The following NOSTRIN variants were observed in gnomAD, a reference collection of about 807,000 sequenced individuals.
NOSTRIN encodes nitric oxide synthase trafficking, also known as BM247 homolog.
In NOSTRIN, 63 loss-of-function variants were observed where a neutral mutation model predicts 59.0. The ratio of observed to expected loss-of-function variants is 1.07; its 90% CI spans 0.87 to 1.32. NOSTRIN has a LOEUF of 1.32. Ranked by LOEUF, NOSTRIN falls within the 40% of genes most tolerant of loss-of-function variation. The probability of loss-of-function intolerance (pLI) is 0.00; values close to 1 mark genes in which losing one functional copy is unlikely to be tolerated. For missense variants in NOSTRIN, 512 were observed against 473.1 expected (o/e 1.08, Z -0.76); for synonymous variants, 200 against 165.4 (o/e 1.21, Z -1.61).
intron 2 of NOSTRIN, among the ~76,000 whole-genome samples, chr2:168,790,086 C>T (rs966604889): frequency 4.6e-5 from 7 of 152,210 alleles, no homozygotes; most frequent in Admixed American, 2.6e-4. Flanking sequence ...TAATGTTCTA[C>T]TTTAAGTGCT....
At chr2:168,836,919 G>A (rs2105684877) in intron 7 of NOSTRIN, among the ~76,000 whole-genome samples, 1 of 152,308 alleles carries the variant, frequency 6.6e-6, no homozygotes, top group South Asian at 2.1e-4. Flanking sequence ...TGTTCAGGCT[G>A]CTATAACCAA....
intron 10 of NOSTRIN, among the ~76,000 whole-genome samples, chr2:168,854,629 C>G (rs759784306): frequency 1.3e-5 from 2 of 152,116 alleles, no homozygotes; most frequent in African/African-American, 4.8e-5. Flanking sequence ...CAACAGGTGT[C>G]TTTATTGTTC....
rs993351704 is a variant in NOSTRIN at position 168,809,310 on chromosome 2, A to G, written c.28-2257A>G. Among the ~76,000 whole-genome samples, 5 of 152,192 alleles carry G rather than the reference A, an allele frequency of 3.3e-5. No homozygotes were observed. In the East Asian group the frequency reaches 7.7e-4, roughly 23 times the overall value. ...TCATTTTCAAGTCCAGAAGGAAGAA[A>G]AGAGGGCAAACAAGCCTTTACTGAA... On this transcript the variant is annotated intron_variant, in intron 1 of 15. Coordinates refer to ENST00000317647, the MANE Select transcript of NOSTRIN (RefSeq NM_001039724.4).
rs531444274 is a variant in NOSTRIN at position 168,811,726 on chromosome 2, T to C, written c.113+74T>C. 66 of 643,474 alleles carry C rather than the reference T, an allele frequency of 1.0e-4. No homozygotes were observed. The African/African-American group carries it at 1.1e-3, about 11-fold the overall frequency. 39.9% of individuals were successfully genotyped at this position (643,474 alleles called of 1,614,324 possible). A position where few individuals can be genotyped will look rare whatever the true frequency, so the allele number is the denominator to read the frequency against. ...CAAGTGATATGACTGGAGGAGTGAT[T>C]ACAAGCTGTCCTACTTTCCAGAATG... On this transcript the variant is annotated intron_variant, in intron 2 of 15. Transcript: ENST00000317647.
chr2:168,821,817 A>C (rs2105597917), intron 2 of NOSTRIN, among the ~76,000 whole-genome samples: 1 of 152,338 alleles, frequency 6.6e-6, no homozygotes, highest in Admixed American at 6.5e-5. Context: ...ATAGGAGTAG[A>C]ATCAGCCAAG....
intron 1 of NOSTRIN, among the ~76,000 whole-genome samples, chr2:168,810,096 C>T (rs1312006415): frequency 6.6e-6 from 1 of 152,190 alleles, no homozygotes; most frequent in East Asian, 1.9e-4. Context: ...GCAGCTGCCT[C>T]ACCAGTTCAC....
At chr2:168,797,347 A>C (rs1180161309), upstream of NOSTRIN, among the ~76,000 whole-genome samples, 1 of 151,990 alleles carries the variant, frequency 6.6e-6, no homozygotes, top group Non-Finnish European at 1.5e-5. Flanking sequence ...CCCTTCTGCT[A>C]CAGCCTCCCA....
In NOSTRIN at chr2:168,791,140, T is replaced by C. The variant is rs143374973; in HGVS notation, c.-473+3092T>C. 8.3e-3 allele frequency among the ~76,000 whole-genome samples: 1,262 copies of C among 152,252 alleles called. 16 individuals carry two copies. The highest frequency in any genetic ancestry group is 0.029 in the African/African-American group (1,189 of 41,548). ...TATATCTCCTAATGCTATCCCTCCC[T>C]GCTTTCCCCACCCCACAACAGTCCC... On this transcript the variant is annotated intron_variant, in intron 2 of 20. Coordinates refer to the NOSTRIN transcript ENST00000458381.
intron 2 of NOSTRIN, among the ~76,000 whole-genome samples, chr2:168,812,404 G>A (rs1686191159): frequency 6.6e-6 from 1 of 152,156 alleles, no homozygotes; most frequent in African/African-American, 2.4e-5. Context: ...TCCTGAATTA[G>A]TAGGTTGTAG....
At chr2:168,827,729 G>C (rs1687130503) in intron 3 of NOSTRIN, among the ~76,000 whole-genome samples, 1 of 151,706 alleles carries the variant, frequency 6.6e-6, no homozygotes, top group South Asian at 2.1e-4. Flanking sequence ...CACCACACCT[G>C]GCTAATTTTA....
chr2:168,803,657 T>C (rs759565505), intron 1 of NOSTRIN, among the ~76,000 whole-genome samples: 2 of 152,352 alleles, frequency 1.3e-5, no homozygotes, highest in South Asian at 2.1e-4. Context: ...AAATGACTAG[T>C]AATTTTAATA....
chr2:168,854,582 C>G (rs1233957508), intron 10 of NOSTRIN, among the ~76,000 whole-genome samples: 1 of 152,170 alleles, frequency 6.6e-6, no homozygotes, highest in African/African-American at 2.4e-5. Flanking sequence ...CCTCAACTCC[C>G]TGAACAATTT....
rs771217628 is a variant in NOSTRIN, at chr2:168,834,502, C to CGT, written c.504+178_504+179insTG. Among the ~76,000 whole-genome samples, 84 of 56,748 alleles carry CGT rather than the reference C, an allele frequency of 1.5e-3. 1 individual carries two copies. Among genetic ancestry groups the CGT allele is most frequent in the Middle Eastern group, 0.015 (2 of 132 alleles). The allele number at this position is 56,748 out of a possible 152,430, so 37.2% of individuals were successfully genotyped here. ...ATCATTACTGGCGTGCGCGCGCGCG[C>CGT]GCGCGCACACACACACACACACACA... On this transcript the variant is annotated intron_variant, in intron 7 of 15. Transcript: ENST00000317647.
intron 3 of NOSTRIN, among the ~76,000 whole-genome samples, chr2:168,827,586 G>C (rs1457387644): frequency 6.6e-6 from 1 of 151,700 alleles, no homozygotes; most frequent in Non-Finnish European, 1.5e-5. Context: ...GGGGAGAGGG[G>C]CTCAGGGGAT....
In NOSTRIN at chr2:168,864,987, T is replaced by C; in HGVS notation, c.*17T>C. The C allele has an allele frequency of 1.9e-6, 3 of 1,613,350 alleles. No homozygotes were observed. The highest frequency in any genetic ancestry group is 3.3e-4 in the Middle Eastern group (2 of 6,060). On this transcript the variant is annotated 3_prime_UTR_variant, in exon 16 of 16. Transcript: ENST00000317647. ...AAGGCATAAAACAAGACTCTGAACATACTACCTTCACACTCGGTAATCAAC... is the reference window on the plus strand; with the variant it reads ...AAGGCATAAAACAAGACTCTGAACACACTACCTTCACACTCGGTAATCAAC...
chr2:168,831,311 C>G (rs1041713975), intron 5 of NOSTRIN, among the ~76,000 whole-genome samples, 161 bp from the exon 6 acceptor site: 1 of 152,120 alleles, frequency 6.6e-6, no homozygotes, highest in Non-Finnish European at 1.5e-5. Flanking sequence ...GGGGCTCCAC[C>G]CTCATGAACT....
In NOSTRIN at chr2:168,851,290, G is replaced by A; in HGVS notation, c.741G>A (p.Gln247=). The A allele has an allele frequency of 6.2e-7, 1 of 1,613,786 alleles. No individual in the cohort carries two copies. The highest frequency in any genetic ancestry group is 1.3e-5 in the African/African-American group (1 of 75,008). Residue 247 remains glutamine, a synonymous_variant, in exon 10 of 16, where the codon CAG becomes CAA. Transcript: ENST00000317647. ...CCTTGGCATTGCAGTGCCACACGCAGATTCACTGTGCCATCAGCAAGATTG... is the reference window on the plus strand; with the variant it reads ...CCTTGGCATTGCAGTGCCACACGCAAATTCACTGTGCCATCAGCAAGATTG... The part of the protein sequence containing the change: ...FGQTLTTCHT[Q]IHCAISKIDI...
intron 8 of NOSTRIN, 27 bp from the exon 9 acceptor site, chr2:168,851,057 T>C (rs900133965): frequency 6.9e-6 from 9 of 1,298,956 alleles, no homozygotes; most frequent in Middle Eastern, 3.6e-4. Context: ...AACTGGCTGA[T>C]CTTACCCCAA....
upstream of NOSTRIN, among the ~76,000 whole-genome samples, chr2:168,796,403 C>G (rs1359164034): frequency 6.6e-6 from 1 of 152,208 alleles, no homozygotes; most frequent in African/African-American, 2.4e-5. Context: ...ACCCCAGCAG[C>G]TTGGCTAAGT....
Sources: gnomAD v4.1 joint callset for allele counts (sites outside exome capture counted in the v4.1 genomes callset) on GRCh38, gnomAD v4.1.1 for gene constraint, MANE v1.5 for transcripts, NCBI Gene and HGNC (gene_info 2026-07-23, HGNC 2026-07-21) for gene names.